Variants in KANSL2 observed in about 807,000 individuals in gnomAD.
KANSL2 encodes KAT8 regulatory NSL complex subunit 2.
Under a neutral mutation model 55.6 loss-of-function variants are expected in KANSL2, and 34 were observed. The ratio of observed to expected loss-of-function variants is 0.61; its 90% confidence interval spans 0.46 to 0.81. The LOEUF (loss-of-function observed/expected upper bound fraction) is 0.81, where lower values mean the gene tolerates loss of function less well. KANSL2 is among the 40% of genes least tolerant of loss of function. The pLI is 0.00. For synonymous variants in KANSL2, 209 were observed against 214.3 expected, an observed-to-expected ratio of 0.98 and a Z score of 0.22; for missense variants, 502 against 609.9, an observed-to-expected ratio of 0.82 and a Z score of 1.86.
intron 5 of KANSL2, 45 bp downstream of exon 5, chr12:48,671,754 C>A: frequency 6.4e-7 from 1 of 1,558,600 alleles, no homozygotes; most frequent in South Asian, 1.2e-5. Context: ...ACCAAATTCA[C>A]ATGTTAAACC....
intron 5 of KANSL2, among the ~76,000 whole-genome samples, 199 bp from the exon 6 acceptor site, chr12:48,669,471 C>T (rs1252810035): frequency 6.6e-6 from 1 of 152,076 alleles, no homozygotes; most frequent in Non-Finnish European, 1.5e-5. Flanking sequence ...CAATCATTGA[C>T]CATACATACT....
At chr12:48,674,921 G>A (rs1228492003) in intron 4 of KANSL2, among the ~76,000 whole-genome samples, 1 of 148,910 alleles carries the variant, frequency 6.7e-6, no homozygotes, top group Non-Finnish European at 1.5e-5. Context: ...ACGAGACTCT[G>A]TCTCCAAAAA....
At chr12:48,656,323 G>C (rs1939380795) in intron 8 of KANSL2, among the ~76,000 whole-genome samples, 1 of 151,014 alleles carries the variant, frequency 6.6e-6, no homozygotes, top group Non-Finnish European at 1.5e-5. Context: ...GCCCAGGCTG[G>C]AGTGCAGTGA....
At chr12:48,656,971 C>A (rs146500037) in intron 8 of KANSL2, among the ~76,000 whole-genome samples, 4 of 152,292 alleles carry the variant, frequency 2.6e-5, no homozygotes, top group African/African-American at 9.6e-5. Flanking sequence ...CTTAGTTCTA[C>A]GCTTTTAAAT....
chr12:48,667,508 G>A (rs144623696), intron 7 of KANSL2, 185 bp downstream of exon 7: 248 of 726,438 alleles, frequency 3.4e-4, no homozygotes, highest in Non-Finnish European at 4.6e-4. Context: ...TTATGAAATG[G>A]CCAACAGACC....
At chr12:48,664,577 C>CTTTT (rs35805896) in intron 7 of KANSL2, among the ~76,000 whole-genome samples, 3 of 62,068 alleles carry the variant, frequency 4.8e-5, no homozygotes, top group Non-Finnish European at 9.0e-5. Flanking sequence ...CGCACCTGGC[C>CTTTT]TTTTTTTTTT....
Position 48,669,220 on chromosome 12 carries a change from G to T in KANSL2, c.762C>A (p.Asn254Lys). 1 of 1,569,860 alleles carries T rather than the reference G, an allele frequency of 6.4e-7. No homozygotes were observed. The highest frequency in any genetic ancestry group is 8.6e-7 in the Non-Finnish European group (1 of 1,156,464). The change falls in exon 6 of 10, where the codon AAC becomes AAA. Residue 254 changes from asparagine (N) to lysine (K), a missense_variant. By Grantham distance (94) the Asn-to-Lys change is moderately conservative. Coordinates refer to ENST00000420613, the MANE Select transcript of KANSL2 (RefSeq NM_017822.4). Reference protein sequence around the residue: ...PEGLLAKERENLKRLKCLRRY... With the variant: ...PEGLLAKEREKLKRLKCLRRY... ...GTCGCAGACATTTTAATCGCTTTAA[G>T]TTCTCTCGTTCTTTGGCCAAAAGTC...
intron 4 of KANSL2, among the ~76,000 whole-genome samples, chr12:48,673,191 G>C (rs763711164): frequency 3.3e-5 from 5 of 152,138 alleles, no homozygotes; most frequent in Non-Finnish European, 7.4e-5. Flanking sequence ...CAGTACCCTA[G>C]GTTAACCCTT....
At chr12:48,667,170 GC>G (rs764787947) in intron 7 of KANSL2, among the ~76,000 whole-genome samples, 2 of 152,172 alleles carry the variant, frequency 1.3e-5, no homozygotes, top group East Asian at 1.9e-4. Context: ...GGAGACTAGA[GC>G]AAAACTCCAT....
intron 8 of KANSL2, chr12:48,656,753 A>G (rs1333134939): frequency 5.8e-6 from 3 of 518,402 alleles, no homozygotes; most frequent in African/African-American, 3.9e-5. Context: ...CAACAGCTAC[A>G]GCAAACCATT....
At chr12:48,672,065 G>A in intron 4 of KANSL2, 103 bp from the exon 5 acceptor site, 2 of 963,762 alleles carry the variant, frequency 2.1e-6, no homozygotes, top group East Asian at 2.6e-5. Context: ...TTAACAAGTG[G>A]TGACATAATC....
At position 48,681,731 on chromosome 12, in the gene KANSL2, T is replaced by A. The variant is rs752048123; in HGVS notation, c.-9-90A>T. On this transcript the variant is annotated intron_variant, in intron 1 of 9. Coordinates refer to ENST00000420613, the MANE Select transcript of KANSL2 (RefSeq NM_017822.4). ...TCGCGCGGACAGTTTCCAAAGGACA[T>A]GCAGAAGTCGTCCCCGTAAGGTACG... 3 of 1,532,890 alleles carry A rather than the reference T, an allele frequency of 2.0e-6. No homozygotes were observed. The South Asian group carries it at 3.4e-5, about 17-fold the overall frequency. 95.0% of individuals were successfully genotyped at this position (1,532,890 alleles called of 1,614,324 possible).
At position 48,672,424 on chromosome 12, in the gene KANSL2, TA is replaced by T. The variant is rs1285374326; in HGVS notation, c.546-463del. Among the ~76,000 whole-genome samples, 149 of 112,440 alleles carry T rather than the reference TA, an allele frequency of 1.3e-3. 1 individual carries two copies. The highest frequency in any genetic ancestry group is 4.5e-3 in the Middle Eastern group (1 of 220). 73.8% of individuals were successfully genotyped at this position (112,440 alleles called of 152,430 possible). On this transcript the variant is annotated intron_variant, in intron 4 of 9. Coordinates refer to ENST00000420613, the MANE Select transcript of KANSL2 (RefSeq NM_017822.4). ...ATATATATACGTATATATATATATA[TA>T]TATATATATTTTTTTTTTGAGATAA...
In KANSL2 at chr12:48,658,358, T is replaced by C. The variant is rs532114474; in HGVS notation, c.1227+2008A>G. ...CATATATACAAAGGGTTGTCTTTTA[T>C]AAGATTTTAAACTGGGAAAAGGATC... is the stretch of plus-strand genomic sequence containing the variant. On this transcript the variant is annotated intron_variant, in intron 8 of 9. Coordinates refer to ENST00000420613, the MANE Select transcript of KANSL2 (RefSeq NM_017822.4). Among the ~76,000 whole-genome samples the C allele has an allele frequency of 1.2e-4, 19 of 152,304 alleles. No individual in the cohort carries two copies. The South Asian group carries it at 3.9e-3, about 32-fold the overall frequency.
Position 48,660,611 on chromosome 12 carries a change from G to C in KANSL2, c.982C>G (p.Gln328Glu). The C allele has an allele frequency of 6.2e-7, 1 of 1,610,642 alleles. No homozygotes were observed. The highest frequency in any genetic ancestry group is 1.7e-5 in the Admixed American group (1 of 59,746). ...TTGAAGAGAACCTGATTCGTATCCTGACAAATATCTGTAGAAAAATGGTCA... is the reference window on the plus strand; with the variant it reads ...TTGAAGAGAACCTGATTCGTATCCTCACAAATATCTGTAGAAAAATGGTCA... ...MTRHCLTHIC[Q>E]DTNQVLFKCC... The change falls in exon 8 of 10, where the codon CAG (glutamine) becomes GAG (glutamate). Residue 328 changes from glutamine to glutamate, a missense_variant. Transcript: ENST00000420613.
At chr12:48,662,452 T>C (rs1354083232) in intron 7 of KANSL2, 5 of 1,046,380 alleles carry the variant, frequency 4.8e-6, no homozygotes, top group African/African-American at 3.5e-5. Flanking sequence ...AAGTCTCTTA[T>C]GTATTTAATA....
chr12:48,666,266 T>C (rs1221242680), intron 7 of KANSL2, among the ~76,000 whole-genome samples: 1 of 151,916 alleles, frequency 6.6e-6, no homozygotes, highest in South Asian at 2.1e-4. Context: ...TTTAAGTTTA[T>C]AAAGGCCAGG....
intron 7 of KANSL2, among the ~76,000 whole-genome samples, chr12:48,662,818 T>C (rs1198437379): frequency 6.6e-6 from 1 of 152,208 alleles, no homozygotes; most frequent in Non-Finnish European, 1.5e-5. Context: ...TATTATAATA[T>C]CTAAAATAGT....
chr12:48,672,533 C>T (rs538706877), intron 4 of KANSL2, among the ~76,000 whole-genome samples: 12 of 149,392 alleles, frequency 8.0e-5, no homozygotes, highest in African/African-American at 3.0e-4. Flanking sequence ...TGGGCTCAAG[C>T]GATCCTCCCA....
Sources: gnomAD v4.1 joint callset for allele counts (sites outside exome capture counted in the v4.1 genomes callset) on GRCh38, gnomAD v4.1.1 for gene constraint, MANE v1.5 for transcripts, NCBI Gene and HGNC (gene_info 2026-07-23, HGNC 2026-07-21) for gene names.